The following TRPC6 variants were observed in gnomAD, a reference collection of about 807,000 sequenced individuals.
TRPC6 encodes short transient receptor potential channel 6.
TRPC6 carries 55 observed loss-of-function variants against 90.7 expected under a neutral mutation model. The ratio of observed to expected loss-of-function variants is 0.61; its 90% CI spans 0.49 to 0.76. The LOEUF (loss-of-function observed/expected upper bound fraction) is 0.76, where lower values mean the gene tolerates loss of function less well. TRPC6 is among the 30% of genes least tolerant of loss of function. The probability of loss-of-function intolerance (pLI) is 0.00; values close to 1 mark genes in which losing one functional copy is unlikely to be tolerated. For missense variants in TRPC6, 989 were observed against 1,122.7 expected (o/e 0.88, Z 1.70); for synonymous variants, 393 against 393.0 (o/e 1.00, Z 0.00).
At chr11:101,571,186 G>A (rs1008535966) in intron 1 of TRPC6, among the ~76,000 whole-genome samples, 2 of 151,988 alleles carry the variant, frequency 1.3e-5, no homozygotes, top group Non-Finnish European at 2.9e-5. Flanking sequence ...AGGATACAAA[G>A]TCAATGTGCA....
chr11:101,499,594 ATACGTATATATGG>A (rs1591089305), intron 2 of TRPC6, among the ~76,000 whole-genome samples: 2 of 128,026 alleles, frequency 1.6e-5, no homozygotes, highest in African/African-American at 6.1e-5. Flanking sequence ...ACGTATATAT[ATACGTATATATGG>A]TATATATATA....
At chr11:101,469,597 G>A (rs1481979811) in intron 9 of TRPC6, 96 bp from the exon 10 acceptor site, 5 of 647,124 alleles carry the variant, frequency 7.7e-6, no homozygotes, top group African/African-American at 7.3e-5. Flanking sequence ...TCTCCAACAA[G>A]TTTTAATGAG....
At chr11:101,492,070 A>T (rs1859839349) in intron 2 of TRPC6, among the ~76,000 whole-genome samples, 1 of 151,794 alleles carries the variant, frequency 6.6e-6, no homozygotes, top group African/African-American at 2.4e-5. Context: ...CGATCTCCTG[A>T]CCTCATGATC....
intron 4 of TRPC6, 131 bp downstream of exon 4, chr11:101,488,806 A>G (rs1341908440): frequency 4.1e-6 from 4 of 968,660 alleles, no homozygotes; most frequent in Non-Finnish European, 6.3e-6. Flanking sequence ...ATTATTTTGT[A>G]ATGTTAAAAA....
At chr11:101,563,515 G>C (rs1476953122) in intron 1 of TRPC6, among the ~76,000 whole-genome samples, 1 of 152,014 alleles carries the variant, frequency 6.6e-6, no homozygotes, top group East Asian at 1.9e-4. Flanking sequence ...TGTTAAAGCT[G>C]TTTATTGTCT....
chr11:101,478,707 G>C (rs1241872986), intron 5 of TRPC6, among the ~76,000 whole-genome samples: 1 of 152,112 alleles, frequency 6.6e-6, no homozygotes, highest in Admixed American at 6.6e-5. Context: ...CAGGGATCAA[G>C]CCTCTGCTCG....
chr11:101,550,121 T>C (rs982737301), intron 1 of TRPC6, among the ~76,000 whole-genome samples: 6 of 151,732 alleles, frequency 4.0e-5, no homozygotes, highest in African/African-American at 1.4e-4. Context: ...CTAAAAAGAA[T>C]CTAAATTTTT....
At chr11:101,472,431 G>C in intron 7 of TRPC6, 99 bp from the exon 8 acceptor site, 1 of 1,188,782 alleles carries the variant, frequency 8.4e-7, no homozygotes. Context: ...CTGCAAATTA[G>C]TGAGTATAAA....
At chr11:101,501,592 G>T (rs982414831) in intron 2 of TRPC6, among the ~76,000 whole-genome samples, 1 of 152,034 alleles carries the variant, frequency 6.6e-6, no homozygotes, top group Non-Finnish European at 1.5e-5. Flanking sequence ...TTATTTCCCT[G>T]TGAGTTTACA....
At chr11:101,469,380 TA>T in intron 10 of TRPC6, 46 bp downstream of exon 10, 1 of 736,550 alleles carries the variant, frequency 1.4e-6, no homozygotes, top group Non-Finnish European at 2.5e-6. Flanking sequence ...TTTGAAAAGA[TA>T]AGCCCGATCA....
intron 10 of TRPC6, among the ~76,000 whole-genome samples, chr11:101,462,904 G>T (rs544219765): frequency 6.6e-6 from 1 of 152,088 alleles, no homozygotes; most frequent in Non-Finnish European, 1.5e-5. Context: ...AAAGGGAATG[G>T]TTCCAGTTTT....
rs558039987 is a variant in TRPC6 at position 101,583,106 on chromosome 11, A to C, written c.170+228T>G. The C allele has an allele frequency of 5.3e-6, 5 of 937,896 alleles. No individual in the cohort carries two copies. The African/African-American group carries it at 8.9e-5, about 17-fold the overall frequency. 58.1% of individuals were successfully genotyped at this position (937,896 alleles called of 1,614,324 possible). On this transcript the variant is annotated intron_variant, in intron 1 of 12. Coordinates refer to ENST00000344327, the MANE Select transcript of TRPC6 (RefSeq NM_004621.6). Reference sequence around the variant, plus strand: ...CTCACTCTCGTGGGCAAACATATCCATGCGTACCTACGAGGAGCAAACCTA... The same window carrying C: ...CTCACTCTCGTGGGCAAACATATCCCTGCGTACCTACGAGGAGCAAACCTA...
intron 6 of TRPC6, among the ~76,000 whole-genome samples, chr11:101,474,153 C>CT (rs1859360879): frequency 6.6e-6 from 1 of 152,338 alleles, no homozygotes; most frequent in East Asian, 1.9e-4. Flanking sequence ...ACTCTCTTGT[C>CT]TTCGTGAGAA....
intron 1 of TRPC6, among the ~76,000 whole-genome samples, chr11:101,537,506 C>G (rs1485416923): frequency 6.6e-6 from 1 of 152,086 alleles, no homozygotes. Context: ...GTAACTACAT[C>G]TTTAATGCTA....
At chr11:101,543,321 T>G (rs536369473) in intron 1 of TRPC6, among the ~76,000 whole-genome samples, 2 of 152,212 alleles carry the variant, frequency 1.3e-5, no homozygotes, top group Non-Finnish European at 2.9e-5. Flanking sequence ...TCAACTTACA[T>G]GTACTCTATG....
rs77869143 is a variant in TRPC6 at position 101,507,421 on chromosome 11, T to C, written c.171-2623A>G. On this transcript the variant is annotated intron_variant, in intron 1 of 12. Coordinates refer to ENST00000344327, the MANE Select transcript of TRPC6 (RefSeq NM_004621.6). The stretch of plus-strand genomic sequence containing the variant: ...CTCTTTGAATCTTCCTTTGGTATCA[T>C]TCCAAGGATTCTCTTCACTTTGCTT... 1.1e-3 allele frequency among the ~76,000 whole-genome samples: 161 copies of C among 152,142 alleles called. 1 individual carries two copies. The East Asian group carries it at 0.03, about 29-fold the overall frequency.
chr11:101,495,633 T>TATTATCATC (rs377163485), intron 2 of TRPC6, among the ~76,000 whole-genome samples: 6 of 144,512 alleles, frequency 4.2e-5, no homozygotes, highest in Non-Finnish European at 9.1e-5. Flanking sequence ...TTATTATTAT[T>TATTATCATC]ATCATTGTTT....
rs573864895 is a variant in TRPC6 at position 101,526,861 on chromosome 11, C to CAAAAAAAA, written c.171-22071_171-22064dup. On this transcript the variant is annotated intron_variant, in intron 1 of 12. Transcript: ENST00000344327. ...CCTGGGTGACAGAAGGAGACTGTCTCAAAAAAAAAAAAAAAAAAAAAAAAA... is the reference window on the plus strand; with the variant it reads ...CCTGGGTGACAGAAGGAGACTGTCTCAAAAAAAAAAAAAAAAAAAAAAAAAAAAAAAAA... Among the ~76,000 whole-genome samples, 125 of 36,136 alleles carry CAAAAAAAA rather than the reference C, an allele frequency of 3.5e-3. 9 individuals are homozygous for CAAAAAAAA. The highest frequency in any genetic ancestry group is 6.1e-3 in the African/African-American group (51 of 8,374). 23.7% of individuals were successfully genotyped at this position (36,136 alleles called of 152,430 possible). A position where few individuals can be genotyped will look rare whatever the true frequency, so the allele number is the denominator to read the frequency against.
intron 5 of TRPC6, among the ~76,000 whole-genome samples, chr11:101,482,093 C>A (rs940210296): frequency 4.6e-5 from 7 of 152,158 alleles, no homozygotes; most frequent in African/African-American, 1.4e-4. Flanking sequence ...TTTAGATGCC[C>A]AATCTGTGTA....
Sources: gnomAD v4.1 joint callset for allele counts (sites outside exome capture counted in the v4.1 genomes callset) on GRCh38, gnomAD v4.1.1 for gene constraint, MANE v1.5 for transcripts, NCBI Gene and HGNC (gene_info 2026-07-23, HGNC 2026-07-21) for gene names.